The following ITPR2 variants were observed in gnomAD, a reference collection of about 807,000 sequenced individuals.
The protein encoded by ITPR2 is inositol 1,4,5-trisphosphate receptor type 2.
Under a neutral mutation model 317.1 loss-of-function variants are expected in ITPR2, and 207 were observed. That is an observed-to-expected ratio of 0.65 (90% confidence interval 0.58 to 0.73). The LOEUF (loss-of-function observed/expected upper bound fraction) is 0.73, where lower values mean the gene tolerates loss of function less well. Among genes scored for constraint, ITPR2 ranks in the 30% least tolerant of loss-of-function variants. ITPR2 has a pLI of 0.00. For synonymous variants in ITPR2, 1,156 were observed against 1,149.1 expected, an observed-to-expected ratio of 1.01 and a Z score of -0.12; for missense variants, 2,613 against 3,284.0, an observed-to-expected ratio of 0.80 and a Z score of 4.99.
intron 37 of ITPR2, among the ~76,000 whole-genome samples, chr12:26,527,498 T>A (rs900459409): frequency 2.0e-5 from 3 of 152,230 alleles, no homozygotes; most frequent in African/African-American, 7.2e-5. Flanking sequence ...CTGGTAGACT[T>A]ACTGAGATAA....
intron 34 of ITPR2, among the ~76,000 whole-genome samples, chr12:26,564,041 A>C (rs534722610): frequency 6.6e-6 from 1 of 152,354 alleles, no homozygotes; most frequent in South Asian, 2.1e-4. Context: ...CTGCATCCAA[A>C]AAATTAGAAA....
At chr12:26,742,030 A>C (rs1257454653) in intron 2 of ITPR2, among the ~76,000 whole-genome samples, 1 of 152,250 alleles carries the variant, frequency 6.6e-6, no homozygotes, top group African/African-American at 2.4e-5. Flanking sequence ...GGTCTACAGG[A>C]AGCACATTTC....
At chr12:26,716,028 A>C (rs969115617) in intron 6 of ITPR2, 116 bp downstream of exon 6, 4 of 751,896 alleles carry the variant, frequency 5.3e-6, no homozygotes, top group Admixed American at 2.6e-5. Context: ...TAGGGATATT[A>C]ATTAGAATAA....
intron 55 of ITPR2, among the ~76,000 whole-genome samples, chr12:26,379,149 G>A (rs1276435931): frequency 6.6e-6 from 1 of 152,198 alleles, no homozygotes; most frequent in Non-Finnish European, 1.5e-5. Context: ...TGCAAGCTGT[G>A]CCACTTTGGG....
In ITPR2 at chr12:26,466,695, T is replaced by A. The variant is rs143256943; in HGVS notation, c.6342+8601A>T. On this transcript the variant is annotated intron_variant, in intron 45 of 56. Transcript: ENST00000381340. The stretch of plus-strand genomic sequence containing the variant: ...TGCAAATGCAGCTCACTGACAGCCA[T>A]CACATTTTTATAGATGAGAAGGTTG... Among the ~76,000 whole-genome samples the A allele has an allele frequency of 1.3e-3, 197 of 152,336 alleles. 1 individual carries two copies. The highest frequency in any genetic ancestry group is 4.4e-3 in the African/African-American group (185 of 41,578).
In ITPR2 at chr12:26,400,190, G is replaced by A. The variant is rs775805147; in HGVS notation, c.7468C>T (p.Leu2490=). Residue 2490 remains leucine, a synonymous_variant, in exon 53 of 57, where the codon CTG becomes TTG. Coordinates refer to ENST00000381340, the MANE Select transcript of ITPR2 (RefSeq NM_002223.4). ...DTLLMCIVTV[L]NQGLRNGGGV... ...CCGCCATTCCTGAGGCCCTGGTTCA[G>A]CACGGTGACAATGCACATAAGGAGA... The A allele has an allele frequency of 5.6e-6, 9 of 1,611,490 alleles. No individual in the cohort carries two copies. In the South Asian group the frequency reaches 8.8e-5, roughly 16 times the overall value.
rs1937932741 is a variant in ITPR2, at chr12:26,336,924, T to C, written c.*2473A>G. 6.6e-6 allele frequency: 1 copy of C among 151,490 alleles called. No individual in the cohort carries two copies. The highest frequency in any genetic ancestry group is 1.5e-5 in the Non-Finnish European group (1 of 67,936). 9.4% of individuals were successfully genotyped at this position (151,490 alleles called of 1,614,324 possible). On this transcript the variant is annotated 3_prime_UTR_variant, in exon 57 of 57. Transcript: ENST00000381340. ...CCCATTATCTTCTCCTCTTCTTCATTAGGAATTTGATGTTCTGAAAAGTGC... is the reference window on the plus strand; with the variant it reads ...CCCATTATCTTCTCCTCTTCTTCATCAGGAATTTGATGTTCTGAAAAGTGC...
chr12:26,738,863 T>G (rs1949177959), intron 2 of ITPR2, among the ~76,000 whole-genome samples: 1 of 152,242 alleles, frequency 6.6e-6, no homozygotes, highest in Non-Finnish European at 1.5e-5. Flanking sequence ...AAATAAAAAT[T>G]TAGATGAGTT....
At chr12:26,515,503 G>A (rs1162296380) in intron 37 of ITPR2, among the ~76,000 whole-genome samples, 1 of 151,918 alleles carries the variant, frequency 6.6e-6, no homozygotes, top group Non-Finnish European at 1.5e-5. Context: ...ATACTGCTGT[G>A]GAAATCAACA....
chr12:26,543,514 G>A (rs372005345), intron 37 of ITPR2, among the ~76,000 whole-genome samples: 2 of 152,070 alleles, frequency 1.3e-5, no homozygotes, highest in African/African-American at 2.4e-5. Context: ...GGCTGGGCAC[G>A]GTAGCTCACA....
intron 48 of ITPR2, among the ~76,000 whole-genome samples, chr12:26,432,227 G>A (rs192369135): frequency 4.0e-5 from 5 of 123,762 alleles, no homozygotes; most frequent in Admixed American, 2.4e-4. Flanking sequence ...CAGTTGTCAC[G>A]TCTCTTTAGT....
At chr12:26,707,819 C>G (rs539978655) in intron 9 of ITPR2, among the ~76,000 whole-genome samples, 1 of 152,022 alleles carries the variant, frequency 6.6e-6, no homozygotes, top group Non-Finnish European at 1.5e-5. Flanking sequence ...TGTGAGCCAC[C>G]GCGCCTGGCC....
At chr12:26,601,263 C>T (rs1422324932) in intron 28 of ITPR2, among the ~76,000 whole-genome samples, 1 of 152,146 alleles carries the variant, frequency 6.6e-6, no homozygotes, top group African/African-American at 2.4e-5. Context: ...TAAATTTCTA[C>T]ATGCACCCAT....
intron 37 of ITPR2, among the ~76,000 whole-genome samples, chr12:26,522,149 C>T (rs1211626124): frequency 6.6e-6 from 1 of 152,112 alleles, no homozygotes; most frequent in Non-Finnish European, 1.5e-5. Flanking sequence ...AGGATGAACA[C>T]TATATAGTAT....
intron 35 of ITPR2, among the ~76,000 whole-genome samples, 187 bp from the exon 36 acceptor site, chr12:26,556,562 T>TGTGTG (rs1319543594): frequency 0.061 from 5,989 of 98,988 alleles, 151 homozygotes; most frequent in South Asian, 0.14. Context: ...CTCTATTTTT[T>TGTGTG]TTTTTGTGTG....
Position 26,556,394 on chromosome 12 carries a change from G to A in ITPR2, c.4822-19C>T, listed in dbSNP as rs772925903. 5.0e-6 allele frequency: 8 copies of A among 1,603,214 alleles called. No homozygotes were observed. The African/African-American group carries it at 1.1e-4, about 22-fold the overall frequency. ...CTACATCCTAGGGAATGAAACACAA[G>A]AGAACCCACATGAAGGCGTAAGTCA... On this transcript the variant is annotated intron_variant, in intron 35 of 56. Coordinates refer to ENST00000381340, the MANE Select transcript of ITPR2 (RefSeq NM_002223.4).
At chr12:26,776,693 C>T (rs1949977212) in intron 2 of ITPR2, among the ~76,000 whole-genome samples, 1 of 152,196 alleles carries the variant, frequency 6.6e-6, no homozygotes, top group Admixed American at 6.5e-5. Context: ...GTGGCAACAT[C>T]CCTTCCCCAA....
At chr12:26,642,670 A>G (rs747485760) in intron 21 of ITPR2, among the ~76,000 whole-genome samples, 42 of 152,354 alleles carry the variant, frequency 2.8e-4, no homozygotes, top group Admixed American at 7.2e-4. Flanking sequence ...CACAAAGCTG[A>G]CAAGAGAACC....
chr12:26,817,366 A>T lies in ITPR2; in HGVS notation c.92+15324T>A, dbSNP rs150148550. Reference sequence around the variant, plus strand: ...CTTCAAATCTGTATGCTCAGTTTCAAAACTAATAAAGCCTCAATAGCAGTG... The same window carrying T: ...CTTCAAATCTGTATGCTCAGTTTCATAACTAATAAAGCCTCAATAGCAGTG... On this transcript the variant is annotated intron_variant, in intron 1 of 56. Coordinates refer to ENST00000381340, the MANE Select transcript of ITPR2 (RefSeq NM_002223.4). 1.5e-4 allele frequency among the ~76,000 whole-genome samples: 23 copies of T among 152,304 alleles called. No individual in the cohort carries two copies. The East Asian group carries it at 4.4e-3, about 29-fold the overall frequency.
Sources: gnomAD v4.1 joint callset for allele counts (sites outside exome capture counted in the v4.1 genomes callset) on GRCh38, gnomAD v4.1.1 for gene constraint, MANE v1.5 for transcripts, NCBI Gene and HGNC (gene_info 2026-07-23, HGNC 2026-07-21) for gene names.